Variants in RARB observed in about 807,000 individuals in gnomAD.
RARB encodes retinoic acid receptor beta.
In RARB, 17 loss-of-function variants were observed where a neutral mutation model predicts 51.9. The observed-to-expected ratio is 0.33, with a 90% CI of 0.22 to 0.49. RARB has a LOEUF of 0.49. Among genes scored for constraint, RARB ranks in the 20% least tolerant of loss-of-function variants. The pLI is 0.99. For synonymous variants in RARB, 215 were observed against 195.4 expected, an observed-to-expected ratio of 1.10 and a Z score of -0.84; for missense variants, 369 against 550.8, an observed-to-expected ratio of 0.67 and a Z score of 3.30.
chr3:25,572,554 A>G (rs1700750907), intron 4 of RARB, among the ~76,000 whole-genome samples: 2 of 152,046 alleles, frequency 1.3e-5, no homozygotes. Flanking sequence ...TCTTTTAACC[A>G]GTATACTATA....
chr3:25,198,474 T>A (rs915214536), intron 5 of RARB, among the ~76,000 whole-genome samples: 1 of 151,990 alleles, frequency 6.6e-6, no homozygotes, highest in African/African-American at 2.4e-5. Context: ...ATCAACAAAG[T>A]GAAGAGACAA....
intron 2 of RARB, among the ~76,000 whole-genome samples, chr3:25,037,986 A>G (rs1428173001): frequency 6.6e-6 from 1 of 152,238 alleles, no homozygotes. Flanking sequence ...ATGATAAGTA[A>G]CAACTTGGCA....
chr3:25,064,805 C>T (rs1326255161), intron 3 of RARB, among the ~76,000 whole-genome samples: 1 of 152,170 alleles, frequency 6.6e-6, no homozygotes, highest in Non-Finnish European at 1.5e-5. Flanking sequence ...TATGGGTCAG[C>T]TTTCCCAGGC....
chr3:25,291,043 C>G (rs1213993297), intron 5 of RARB, among the ~76,000 whole-genome samples: 1 of 152,174 alleles, frequency 6.6e-6, no homozygotes, highest in Admixed American at 6.5e-5. Flanking sequence ...TACAACAGAT[C>G]ACTTATGTCA....
intron 5 of RARB, among the ~76,000 whole-genome samples, chr3:25,175,126 A>G (rs1332225077): frequency 6.6e-6 from 1 of 152,174 alleles, no homozygotes; most frequent in Admixed American, 6.5e-5. Context: ...CTTATCCCAG[A>G]TCTTCCCTTA....
At chr3:25,160,016 G>A (rs191983725) in intron 4 of RARB, among the ~76,000 whole-genome samples, 136 of 152,168 alleles carry the variant, frequency 8.9e-4, no homozygotes, top group African/African-American at 2.9e-3. Context: ...AGTACAAAAC[G>A]TTTAAAAAAC....
At chr3:24,970,602 CACAA>C (rs766027053) in intron 2 of RARB, among the ~76,000 whole-genome samples, 2 of 147,320 alleles carry the variant, frequency 1.4e-5, no homozygotes, top group Non-Finnish European at 3.0e-5. Flanking sequence ...CACACACACA[CACAA>C]ACACACCCCC....
intron 5 of RARB, among the ~76,000 whole-genome samples, chr3:25,302,587 C>A (rs1233170162): frequency 6.6e-6 from 1 of 152,176 alleles, no homozygotes; most frequent in African/African-American, 2.4e-5. Context: ...TTAGCAGCTT[C>A]CAGGGGCTGG....
chr3:25,254,483 C>A (rs1194722392), intron 5 of RARB, among the ~76,000 whole-genome samples: 1 of 152,052 alleles, frequency 6.6e-6, no homozygotes, highest in Non-Finnish European at 1.5e-5. Flanking sequence ...CTGAAAAATG[C>A]ATCAAGAATA....
rs1701136061 is a variant in RARB, at chr3:25,580,643, C to T, written c.707C>T (p.Ala236Val). ...TGCATTATTAAGATCGTGGAGTTTGCTAAACGTCTGCCTGGTTTCACTGGC... is the reference window on the plus strand; with the variant it reads ...TGCATTATTAAGATCGTGGAGTTTGTTAAACGTCTGCCTGGTTTCACTGGC... ...TKCIIKIVEFAKRLPGFTGLT... is the reference protein window; with the variant it reads ...TKCIIKIVEFVKRLPGFTGLT... The change falls in exon 5 of 8, where the codon GCT becomes GTT. Residue 236 changes from alanine (A) to valine (V), a missense_variant. Physicochemically the swap from Ala to Val is moderately conservative, Grantham distance 64 (BLOSUM62 0). Around this residue, in one of 9 missense-constraint regions of RARB, gnomAD observed 49 missense variants for 103.4 expected, o/e 0.47. Coordinates refer to ENST00000330688, the MANE Select transcript of RARB (RefSeq NM_000965.5). 6.2e-7 allele frequency: 1 copy of T among 1,613,112 alleles called. No homozygotes were observed. The highest frequency in any genetic ancestry group is 8.5e-7 in the Non-Finnish European group (1 of 1,179,310).
chr3:25,196,102 G>A (rs1701226990), intron 5 of RARB, among the ~76,000 whole-genome samples: 4 of 151,832 alleles, frequency 2.6e-5, no homozygotes, highest in Admixed American at 2.6e-4. Context: ...TTATGTTCTA[G>A]GGTACCTGTG....
chr3:25,402,906 T>C (rs1005479123), intron 5 of RARB, among the ~76,000 whole-genome samples: 3 of 152,132 alleles, frequency 2.0e-5, no homozygotes, highest in African/African-American at 7.2e-5. Context: ...GGCTCACGCC[T>C]GTAATCCCAG....
intron 2 of RARB, among the ~76,000 whole-genome samples, chr3:24,884,534 G>T (rs1010442904): frequency 6.6e-6 from 1 of 152,044 alleles, no homozygotes; most frequent in African/African-American, 2.4e-5. Context: ...AATAGCAGTG[G>T]CATAGTAATG....
chr3:25,185,271 A>T (rs1332639361), intron 5 of RARB, among the ~76,000 whole-genome samples: 1 of 152,160 alleles, frequency 6.6e-6, no homozygotes, highest in Non-Finnish European at 1.5e-5. Flanking sequence ...AAGAGTTCAC[A>T]TCCAAGAAAT....
intron 3 of RARB, among the ~76,000 whole-genome samples, chr3:25,556,611 A>T (rs566283750): frequency 6.6e-6 from 1 of 152,224 alleles, no homozygotes; most frequent in African/African-American, 2.4e-5. Flanking sequence ...ACTGGCTTAA[A>T]TGTGACCTTT....
intron 5 of RARB, among the ~76,000 whole-genome samples, chr3:25,369,430 A>G (rs1706232254): frequency 6.6e-6 from 1 of 152,240 alleles, no homozygotes; most frequent in Non-Finnish European, 1.5e-5. Context: ...TAAGATGCTG[A>G]TCCTCAGAGC....
chr3:25,300,967 A>C (rs147975111), intron 5 of RARB, among the ~76,000 whole-genome samples: 1 of 152,202 alleles, frequency 6.6e-6, no homozygotes, highest in Non-Finnish European at 1.5e-5. Flanking sequence ...ACTGCACTCC[A>C]GCCTGAGCTA....
At chr3:25,402,696 C>A (rs1314441303) in intron 5 of RARB, among the ~76,000 whole-genome samples, 1 of 152,066 alleles carries the variant, frequency 6.6e-6, no homozygotes, top group Non-Finnish European at 1.5e-5. Flanking sequence ...GTGAAATAAG[C>A]CAGGCGCAGA....
At chr3:24,872,773 C>T (rs999289144) in intron 2 of RARB, among the ~76,000 whole-genome samples, 4 of 152,186 alleles carry the variant, frequency 2.6e-5, no homozygotes, top group Admixed American at 2.0e-4. Flanking sequence ...CACATTTCAA[C>T]ATGATATTTG....
Sources: allele counts gnomAD v4.1 joint callset (sites outside exome capture counted in the v4.1 genomes callset), GRCh38; gene constraint gnomAD v4.1.1; regional missense constraint gnomAD v4.1.1; transcripts MANE v1.5; gene names NCBI Gene and HGNC (gene_info 2026-07-23, HGNC 2026-07-21).